RAD54B: variants seen among roughly 807,000 people sequenced by gnomAD.
RAD54B encodes RAD54 homolog B, also known as DNA repair and recombination protein RAD54B.
In RAD54B, 78 loss-of-function variants were observed where a neutral mutation model predicts 95.8. That is an observed-to-expected ratio of 0.81 (90% CI 0.68 to 0.98). The LOEUF (loss-of-function observed/expected upper bound fraction) is 0.98, where lower values mean the gene tolerates loss of function less well. Among genes scored for constraint, RAD54B ranks in the 50% least tolerant of loss-of-function variants. The pLI is 0.00. For synonymous variants in RAD54B, 328 were observed against 354.9 expected (o/e 0.92, Z 0.85); for missense variants, 957 against 1,056.6 (o/e 0.91, Z 1.31).
At chr8:94,396,040 A>T (rs1563640967) in intron 8 of RAD54B, among the ~76,000 whole-genome samples, 1 of 152,152 alleles carries the variant, frequency 6.6e-6, no homozygotes, top group East Asian at 1.9e-4. Context: ...GCAGAACACA[A>T]GAAGGGAATA....
At chr8:94,463,630 A>G (rs951634520) in intron 2 of RAD54B, among the ~76,000 whole-genome samples, 4 of 152,088 alleles carry the variant, frequency 2.6e-5, no homozygotes, top group Non-Finnish European at 4.4e-5. Context: ...CTGTAATTCC[A>G]ACACTTTGGG....
chr8:94,393,803 T>C lies in RAD54B; in HGVS notation c.1458A>G (p.Ser486=), dbSNP rs1386644661. The part of the protein sequence containing the change: ...FVNPGILGSL[S]SYRKIYEEPI... ...GTTCTTCATATATTTTCCTATAAGA[T>C]GACAAAGAGCCTAATATTCCTGGAT... Residue 486 remains serine (S), a synonymous_variant, in exon 9 of 15, where the codon TCA becomes TCG. Transcript: ENST00000336148. The C allele has an allele frequency of 1.3e-6, 2 of 1,585,840 alleles. No individual in the cohort carries two copies. Among genetic ancestry groups the C allele is most frequent in the Non-Finnish European group, 1.7e-6 (2 of 1,155,902 alleles).
chr8:94,400,565 G>T, intron 6 of RAD54B, 102 bp from the exon 7 acceptor site: 1 of 899,530 alleles, frequency 1.1e-6, no homozygotes, highest in South Asian at 1.9e-5. Context: ...TGACACTGAA[G>T]ACTTTTAGTA....
chr8:94,383,131 T>C (rs1810784462), intron 11 of RAD54B, among the ~76,000 whole-genome samples: 1 of 151,864 alleles, frequency 6.6e-6, no homozygotes, highest in Admixed American at 6.6e-5. Context: ...ACTCCATCTC[T>C]ACTAAAAATA....
Position 94,428,084 on chromosome 8 carries a change from T to TA in RAD54B, c.305-16770dup, listed in dbSNP as rs1445562838. 4.2e-6 allele frequency: 4 copies of TA among 951,454 alleles called. No individual in the cohort carries two copies. In the African/African-American group the frequency reaches 7.1e-5, roughly 17 times the overall value. 58.9% of individuals were successfully genotyped at this position (951,454 alleles called of 1,614,324 possible). On this transcript the variant is annotated intron_variant, in intron 3 of 14. Coordinates refer to ENST00000336148, the MANE Select transcript of RAD54B (RefSeq NM_012415.3). ...AAATCACAGCTAGTTTAGAAAATCA[T>TA]AAGTTGTAACAACATATCCATTACA...
At position 94,387,051 on chromosome 8, in the gene RAD54B, CCTTTTCAGTAA is replaced by C. The variant is rs1810905900; in HGVS notation, c.1907_1917del (p.Phe636Ter). 11 of 1,613,640 alleles carry C rather than the reference CCTTTTCAGTAA, an allele frequency of 6.8e-6. No homozygotes were observed. Among genetic ancestry groups the C allele is most frequent in the Non-Finnish European group, 9.3e-6 (11 of 1,179,780 alleles). ...GACAACACCTGTAGTTTTCCTGACT[CCTTTTCAGTAA>C]ACAGGAGAGGGTTGTAGTCAGCAGG... is the stretch of plus-strand genomic sequence containing the variant. On this transcript the variant is annotated frameshift_variant, in exon 11 of 15. Transcript: ENST00000336148. LOFTEE classifies it high-confidence loss of function.
chr8:94,462,932 T>G (rs527682100), intron 2 of RAD54B, among the ~76,000 whole-genome samples: 4 of 152,178 alleles, frequency 2.6e-5, no homozygotes, highest in African/African-American at 9.7e-5. Flanking sequence ...TCCCAACATT[T>G]TGGGACACCA....
intron 2 of RAD54B, among the ~76,000 whole-genome samples, chr8:94,459,701 A>G (rs1812857778): frequency 6.6e-6 from 1 of 150,588 alleles, no homozygotes; most frequent in Non-Finnish European, 1.5e-5. Context: ...CTCTACTGAA[A>G]AAACAAAAAT....
intron 10 of RAD54B, among the ~76,000 whole-genome samples, chr8:94,391,293 G>C (rs1037410859): frequency 6.6e-6 from 1 of 151,572 alleles, no homozygotes; most frequent in Non-Finnish European, 1.5e-5. Context: ...AAAACTGACA[G>C]ACTATATTAA....
At chr8:94,392,848 T>G (rs1404291126) in intron 9 of RAD54B, among the ~76,000 whole-genome samples, 3 of 150,600 alleles carry the variant, frequency 2.0e-5, no homozygotes, top group South Asian at 2.1e-4. Context: ...GTTTTGTTTT[T>G]TTTTTTTGAG....
At chr8:94,380,576 T>C (rs1810715438) in intron 11 of RAD54B, among the ~76,000 whole-genome samples, 170 bp from the exon 12 acceptor site, 1 of 152,236 alleles carries the variant, frequency 6.6e-6, no homozygotes, top group Non-Finnish European at 1.5e-5. Flanking sequence ...TTAAAGTCAA[T>C]ATCTAAACTT....
intron 8 of RAD54B, among the ~76,000 whole-genome samples, chr8:94,394,448 C>T (rs1811096880): frequency 6.6e-6 from 1 of 151,648 alleles, no homozygotes; most frequent in South Asian, 2.1e-4. Flanking sequence ...TAATAAATTC[C>T]CAGAATAATT....
intron 11 of RAD54B, 40 bp from the exon 12 acceptor site, chr8:94,380,446 G>C: frequency 1.9e-6 from 3 of 1,542,858 alleles, no homozygotes; most frequent in Non-Finnish European, 2.6e-6. Context: ...TAAATTTAAA[G>C]GCAGCATTAG....
intron 3 of RAD54B, among the ~76,000 whole-genome samples, chr8:94,451,245 T>C (rs527532479): frequency 3.3e-5 from 5 of 152,216 alleles, no homozygotes; most frequent in African/African-American, 9.6e-5. Context: ...CTGATGGGGA[T>C]TGTCAAAAGG....
At chr8:94,409,652 C>T (rs1201186636) in intron 4 of RAD54B, among the ~76,000 whole-genome samples, 2 of 152,144 alleles carry the variant, frequency 1.3e-5, no homozygotes, top group African/African-American at 4.8e-5. Context: ...AGGCGTGAGC[C>T]ACTACACCCT....
At chr8:94,386,795 A>AAACTTAT (rs1810899306) in intron 11 of RAD54B, among the ~76,000 whole-genome samples, 189 bp downstream of exon 11, 2 of 152,234 alleles carry the variant, frequency 1.3e-5, no homozygotes, top group South Asian at 4.1e-4. Flanking sequence ...ACATATGTTT[A>AAACTTAT]GTTTTTCTTA....
At chr8:94,445,542 T>A (rs1812501921) in intron 3 of RAD54B, among the ~76,000 whole-genome samples, 1 of 152,196 alleles carries the variant, frequency 6.6e-6, no homozygotes, top group Non-Finnish European at 1.5e-5. Flanking sequence ...TTTACCACTT[T>A]AATTGTCTTG....
chr8:94,433,509 T>C (rs1414434535), intron 3 of RAD54B, among the ~76,000 whole-genome samples: 1 of 152,034 alleles, frequency 6.6e-6, no homozygotes, highest in Non-Finnish European at 1.5e-5. Flanking sequence ...ATATTAAAGG[T>C]TTATTAAATT....
intron 3 of RAD54B, 115 bp downstream of exon 3, chr8:94,458,153 G>T: frequency 1.1e-6 from 1 of 917,160 alleles, no homozygotes; most frequent in Non-Finnish European, 1.6e-6. Context: ...CAACAATGTA[G>T]TGGTATTACA....
Sources: gnomAD v4.1 joint callset for allele counts (sites outside exome capture counted in the v4.1 genomes callset) on GRCh38, gnomAD v4.1.1 for gene constraint, MANE v1.5 for transcripts, NCBI Gene and HGNC (gene_info 2026-07-23, HGNC 2026-07-21) for gene names.